The following RFPL1 variants were observed in gnomAD, a reference collection of about 807,000 sequenced individuals.
RFPL1 encodes the protein ret finger protein-like 1.
In RFPL1, 6 loss-of-function variants were observed where a neutral mutation model predicts 9.6. The observed-to-expected ratio is 0.62, with a 90% CI of 0.34 to 1.23. The LOEUF (loss-of-function observed/expected upper bound fraction) is 1.23, where lower values mean the gene tolerates loss of function less well. RFPL1 is among the 50% of genes most tolerant of loss of function. The pLI is 0.03. For missense variants in RFPL1, 352 were observed against 398.4 expected, an observed-to-expected ratio of 0.88 and a Z score of 0.99; for synonymous variants, 145 against 149.4, an observed-to-expected ratio of 0.97 and a Z score of 0.22.
At chr22:29,405,806 G>T in the RFPL1 span, among the ~76,000 whole-genome samples, 1 of 152,136 alleles carries the variant, frequency 6.6e-6, no homozygotes, top group Non-Finnish European at 1.5e-5. Flanking sequence ...CTAATGTGGG[G>T]ATCAAAGAAA....
chr22:29,390,405 T>C, the RFPL1 span, among the ~76,000 whole-genome samples: 1 of 152,078 alleles, frequency 6.6e-6, no homozygotes, highest in Non-Finnish European at 1.5e-5. Context: ...AAAGTTATTT[T>C]TAAATAATTA....
the RFPL1 span, among the ~76,000 whole-genome samples, chr22:29,402,555 G>A: frequency 2.6e-5 from 4 of 152,242 alleles, no homozygotes; most frequent in South Asian, 4.1e-4. Flanking sequence ...CAGTCATCAC[G>A]CTTTATCGAG....
intron 1 of RFPL1, chr22:29,439,429 C>T (rs1354717827): frequency 1.9e-5 from 10 of 515,846 alleles, no homozygotes; most frequent in African/African-American, 5.7e-5. Flanking sequence ...GTCAGGAGAT[C>T]GGGACCATCC....
the RFPL1 span, among the ~76,000 whole-genome samples, chr22:29,430,102 T>C: frequency 7.4e-6 from 1 of 135,560 alleles, no homozygotes; most frequent in Non-Finnish European, 1.8e-5. Context: ...AGTAGCCACG[T>C]TGAAGAAAGT....
chr22:29,438,880 T>C (rs2062822561), exon 1 of RFPL1: 3 of 1,613,996 alleles, frequency 1.9e-6, no homozygotes, highest in Non-Finnish European at 8.5e-7. Flanking sequence ...GCAGTGGACA[T>C]GGCTGCACTC....
the RFPL1 span, among the ~76,000 whole-genome samples, chr22:29,417,028 A>C: frequency 6.6e-6 from 1 of 152,150 alleles, no homozygotes; most frequent in Non-Finnish European, 1.5e-5. Flanking sequence ...ACGTGTCAAC[A>C]TAGAGACTTA....
the RFPL1 span, among the ~76,000 whole-genome samples, chr22:29,410,430 G>GATATATATATCTATATA: frequency 1.3e-5 from 1 of 75,846 alleles, no homozygotes. Context: ...TATATATATT[G>GATATATATATCTATATA]TAGATATATA....
At chr22:29,407,275 T>C in the RFPL1 span, among the ~76,000 whole-genome samples, 1 of 152,092 alleles carries the variant, frequency 6.6e-6, no homozygotes, top group East Asian at 1.9e-4. Context: ...TTTTTTTTCG[T>C]AGAGATGGGA....
At chr22:29,405,835 C>G in the RFPL1 span, among the ~76,000 whole-genome samples, 4 of 152,136 alleles carry the variant, frequency 2.6e-5, no homozygotes, top group East Asian at 3.8e-4. Flanking sequence ...CTCGGCCGGG[C>G]GCGGTGGCTC....
the RFPL1 span, among the ~76,000 whole-genome samples, chr22:29,395,909 G>T: frequency 6.6e-6 from 1 of 152,128 alleles, no homozygotes; most frequent in Non-Finnish European, 1.5e-5. Context: ...GGTGGCAGAG[G>T]TTGCAGTGAG....
chr22:29,442,270 GT>G, exon 2 of RFPL1: 1 of 544,288 alleles, frequency 1.8e-6, no homozygotes, highest in Non-Finnish European at 3.0e-6. Flanking sequence ...AATTTGATTA[GT>G]TTATAAATTG....
chr22:29,438,400 G>A (rs868434965), upstream of RFPL1: 2 of 205,704 alleles, frequency 9.7e-6, no homozygotes, highest in Non-Finnish European at 1.9e-5. Context: ...GGCTGGTCTC[G>A]AACTTTTGAC....
chr22:29,441,980 G>A (rs764040198), exon 2 of RFPL1: 1 of 1,614,108 alleles, frequency 6.2e-7, no homozygotes. Flanking sequence ...TATACATTCA[G>A]GAGTGTCTCT....
the RFPL1 span, among the ~76,000 whole-genome samples, chr22:29,396,283 A>G: frequency 1.3e-5 from 2 of 152,186 alleles, no homozygotes; most frequent in African/African-American, 4.8e-5. Context: ...CTGTACTCTC[A>G]TGAGTGGATT....
the RFPL1 span, among the ~76,000 whole-genome samples, chr22:29,420,634 C>CTTTTTTTTTTTTTTTTTTTTTTTTTTTTT: frequency 1.1e-4 from 6 of 53,436 alleles, 3 homozygotes; most frequent in Non-Finnish European, 5.9e-5. Flanking sequence ...TGGTTTTTTG[C>CTTTTTTTTTTTTTTTTTTTTTTTTTTTTT]TTTTTTTTTT....
the RFPL1 span, among the ~76,000 whole-genome samples, chr22:29,391,208 A>G: frequency 3.3e-5 from 5 of 152,244 alleles, no homozygotes; most frequent in South Asian, 2.1e-4. Context: ...GGCTTCAACA[A>G]TGGAATTTAT....
At chr22:29,404,928 C>T in the RFPL1 span, among the ~76,000 whole-genome samples, 3 of 152,272 alleles carry the variant, frequency 2.0e-5, no homozygotes, top group South Asian at 6.2e-4. Flanking sequence ...AGAGGTCTCA[C>T]TATGTTGCCC....
At chr22:29,408,035 T>C in the RFPL1 span, among the ~76,000 whole-genome samples, 1 of 152,260 alleles carries the variant, frequency 6.6e-6, no homozygotes, top group East Asian at 1.9e-4. Flanking sequence ...TTGAATGTAA[T>C]CTCATTAAAA....
the RFPL1 span, among the ~76,000 whole-genome samples, chr22:29,402,661 CGAAATTTGTGTATAACTACA>C: frequency 6.6e-6 from 1 of 151,004 alleles, no homozygotes; most frequent in Non-Finnish European, 1.5e-5. Context: ...CAAAGCAGTC[CGAAATTTGTGTATAACTACA>C]TTTGGTGAGC....
Sources: allele counts gnomAD v4.1 joint callset (sites outside exome capture counted in the v4.1 genomes callset), GRCh38; gene constraint gnomAD v4.1.1; transcripts MANE v1.5; gene names NCBI Gene and HGNC (gene_info 2026-07-23, HGNC 2026-07-21).